AKAP17A: variants seen among roughly 807,000 people sequenced by gnomAD.
The protein encoded by AKAP17A is A-kinase anchoring protein 17A, also known as A-kinase anchor protein 17A.
AKAP17A carries 15 observed loss-of-function variants against 52.2 expected under a neutral mutation model. The observed-to-expected ratio is 0.29, with a 90% CI of 0.19 to 0.44. AKAP17A has a LOEUF of 0.44. AKAP17A is among the 20% of genes least tolerant of loss of function. AKAP17A has a pLI of 1.00. For synonymous variants in AKAP17A, 514 were observed against 424.7 expected (o/e 1.21, Z -2.58); for missense variants, 1,060 against 1,007.0 (o/e 1.05, Z -0.71).
In AKAP17A at chrX:1,601,392, A is replaced by T; in HGVS notation, c.1886A>T (p.Tyr629Phe). The T allele has an allele frequency of 1.3e-6, 2 of 1,567,102 alleles. No individual in the cohort carries two copies. The highest frequency in any genetic ancestry group is 1.7e-6 in the Non-Finnish European group (2 of 1,163,690). ...KERRPHKKHA[Y>F]KDDSPRRRST... ...CGGCGGCCCCACAAGAAGCACGCCT[A>T]CAAGGATGACAGCCCCCGCCGGCGC... The change falls in exon 5 of 5, where the codon TAC becomes TTC. Residue 629 changes from tyrosine (Y) to phenylalanine (F), a missense_variant. By Grantham distance (22) the Tyr-to-Phe change is conservative. This residue lies in a region of AKAP17A where 793 missense variants were observed against 629.9 expected (regional missense o/e 1.26). Coordinates refer to ENST00000313871, the MANE Select transcript of AKAP17A (RefSeq NM_005088.3).
chrX:1,598,832 G>A (rs192988101), intron 3 of AKAP17A, among the ~76,000 whole-genome samples: 17 of 152,294 alleles, frequency 1.1e-4, no homozygotes, highest in South Asian at 4.1e-4. Flanking sequence ...TGTGCATCCC[G>A]GGGCCTTGTT....
In AKAP17A at chrX:1,599,442, G is replaced by T; in HGVS notation, c.1152+10G>T. On this transcript the variant is annotated intron_variant, in intron 4 of 4. Coordinates refer to ENST00000313871, the MANE Select transcript of AKAP17A (RefSeq NM_005088.3). The stretch of plus-strand genomic sequence containing the variant: ...GCTCAGCAGAGCCAAGGTACCCGGG[G>T]GCTCCCTCTGCAGCCGCCAGCCGCG... The T allele has an allele frequency of 1.9e-6, 3 of 1,557,238 alleles. No individual in the cohort carries two copies. Among genetic ancestry groups the T allele is most frequent in the Non-Finnish European group, 2.6e-6 (3 of 1,151,574 alleles).
At position 1,601,974 on chromosome X, in the gene AKAP17A, A is replaced by G. The variant is rs181444808; in HGVS notation, c.*380A>G. 320 of 218,436 alleles carry G rather than the reference A, an allele frequency of 1.5e-3. 4 individuals are homozygous for G. The highest frequency in any genetic ancestry group is 6.7e-3 in the African/African-American group (295 of 44,050). The allele number at this position is 218,436 out of a possible 1,614,324, so 13.5% of individuals were successfully genotyped here. ...GGCGACCTCCCTGCGTGCACGGCCT[A>G]GGAGGTGCACGGGCCACCATAGTCA... is the stretch of plus-strand genomic sequence containing the variant. On this transcript the variant is annotated 3_prime_UTR_variant, in exon 5 of 5. Coordinates refer to ENST00000313871, the MANE Select transcript of AKAP17A (RefSeq NM_005088.3).
Position 1,593,803 on chromosome X carries a change from C to T in AKAP17A, c.341C>T (p.Ala114Val), listed in dbSNP as rs1207763171. The stretch of plus-strand genomic sequence containing the variant: ...TTCTCCGACATCCTGAAGGTGCGCG[C>T]GGCCGAGTTCAAGATCGACTTCCCC... ...SGFSDILKVR[A>V]AEFKIDFPTR... Residue 114 changes from alanine to valine, a missense_variant, in exon 2 of 5, where the codon GCG (alanine) becomes GTG (valine). Physicochemically the swap from Ala to Val is moderately conservative, Grantham distance 64. Around this residue, in one of 2 missense-constraint regions of AKAP17A, gnomAD observed 267 missense variants for 377.1 expected, o/e 0.71. Transcript: ENST00000313871. 6 of 1,612,864 alleles carry T rather than the reference C, an allele frequency of 3.7e-6. No homozygotes were observed. The highest frequency in any genetic ancestry group is 1.6e-4 in the Middle Eastern group (1 of 6,074).
intron 3 of AKAP17A, among the ~76,000 whole-genome samples, chrX:1,597,928 A>G (rs1423614019): frequency 1.3e-5 from 2 of 152,064 alleles, no homozygotes; most frequent in African/African-American, 2.4e-5. Context: ...AGGGCTCCAC[A>G]CGCAGGGCCG....
In AKAP17A at chrX:1,599,307, A is replaced by AAGCTGCAGGCGGAGGAGCAGAAGC. The variant is rs1933214203; in HGVS notation, c.1037_1060dup (p.Ala346_Gln353dup). The AAGCTGCAGGCGGAGGAGCAGAAGC allele has an allele frequency of 6.2e-7, 1 of 1,610,098 alleles. No individual in the cohort carries two copies. The highest frequency in any genetic ancestry group is 1.7e-5 in the Admixed American group (1 of 59,180). ...GCGCCGGAATCAGAAGAAGCTGGAG[A>AAGCTGCAGGCGGAGGAGCAGAAGC]AGCTGCAGGCGGAGGAGCAGAAGCA... On this transcript the variant is annotated inframe_insertion, in exon 4 of 5. Transcript: ENST00000313871.
chrX:1,596,913 A>C (rs1405035731), intron 3 of AKAP17A, among the ~76,000 whole-genome samples: 2 of 149,696 alleles, frequency 1.3e-5, no homozygotes, highest in African/African-American at 2.5e-5. Flanking sequence ...CCTCCTAGTG[A>C]GGCGGAATCC....
At position 1,602,187 on chromosome X, in the gene AKAP17A, G is replaced by A. The variant is rs1444768085; in HGVS notation, c.*593G>A. 1 of 152,586 alleles carries A rather than the reference G, an allele frequency of 6.6e-6. No homozygotes were observed. The highest frequency in any genetic ancestry group is 1.9e-4 in the East Asian group (1 of 5,188). 9.5% of individuals were successfully genotyped at this position (152,586 alleles called of 1,614,324 possible). ...GCCGTTCTTTCTAAGGTGTCGGTAT[G>A]TGGGGAGTGGTACAAAATGGTCTGA... On this transcript the variant is annotated 3_prime_UTR_variant, in exon 5 of 5. Coordinates refer to ENST00000313871, the MANE Select transcript of AKAP17A (RefSeq NM_005088.3).
intron 3 of AKAP17A, 81 bp from the exon 4 acceptor site, chrX:1,599,111 G>C: frequency 6.4e-7 from 1 of 1,559,576 alleles, no homozygotes; most frequent in Non-Finnish European, 8.7e-7. Flanking sequence ...CTGTTCCGCC[G>C]TGTTTGGAAA....
intron 2 of AKAP17A, among the ~76,000 whole-genome samples, chrX:1,595,157 C>T (rs1180156771): frequency 4.6e-5 from 7 of 151,506 alleles, no homozygotes; most frequent in African/African-American, 1.5e-4. Context: ...GTCGTAACTC[C>T]GTGGGATGAG....
chrX:1,600,761 G>T lies in AKAP17A; in HGVS notation c.1255G>T (p.Glu419Ter). 6.4e-7 allele frequency: 1 copy of T among 1,564,648 alleles called. No individual in the cohort carries two copies. Among genetic ancestry groups the T allele is most frequent in the Non-Finnish European group, 8.6e-7 (1 of 1,159,770 alleles). ...GGAGGCCGAGCTGCGGCGCGTGGAG[G>T]AGGAGAAGGAGCGCGCGCTGGGCCT... ...LQEAELRRVE[E>*]EKERALGLQR... Residue 419 changes from glutamate to a stop codon, truncating the protein, a stop_gained, in exon 5 of 5, where the codon GAG becomes TAG. Transcript: ENST00000313871. LOFTEE classifies it high-confidence loss of function.
Position 1,599,316 on chromosome X carries a change from G to C in AKAP17A, c.1036G>C (p.Ala346Pro). 6.2e-7 allele frequency: 1 copy of C among 1,608,426 alleles called. No individual in the cohort carries two copies. Among genetic ancestry groups the C allele is most frequent in the Non-Finnish European group, 8.5e-7 (1 of 1,178,070 alleles). ...TCAGAAGAAGCTGGAGAAGCTGCAG[G>C]CGGAGGAGCAGAAGCAGCTGCAGGA... ...RNQKKLEKLQ[A>P]EEQKQLQEKI... is the part of the protein sequence containing the mutation. Residue 346 changes from alanine to proline, a missense_variant, in exon 4 of 5, where the codon GCG (alanine) becomes CCG (proline). Transcript: ENST00000313871.
In AKAP17A at chrX:1,599,194, A is replaced by C; in HGVS notation, c.914A>C (p.Lys305Thr). 6.2e-7 allele frequency: 1 copy of C among 1,611,654 alleles called. No individual in the cohort carries two copies. The highest frequency in any genetic ancestry group is 8.5e-7 in the Non-Finnish European group (1 of 1,179,702). ...CACCCCCGGTGTGTTCCACACAGGAAACAAAAGGAGCTGGAAGAGCTGGAG... is the reference window on the plus strand; with the variant it reads ...CACCCCCGGTGTGTTCCACACAGGACACAAAAGGAGCTGGAAGAGCTGGAG... ...AEERQRAEERKQKELEELERE... is the reference protein window; with the variant it reads ...AEERQRAEERTQKELEELERE... Residue 305 changes from lysine (K) to threonine (T), a missense_variant and splice_region_variant, in exon 4 of 5, where the codon AAA becomes ACA. This residue lies in a region of AKAP17A where 793 missense variants were observed against 629.9 expected (regional missense o/e 1.26). Coordinates refer to ENST00000313871, the MANE Select transcript of AKAP17A (RefSeq NM_005088.3).
At position 1,595,437 on chromosome X, in the gene AKAP17A, G is replaced by C; in HGVS notation, c.816G>C (p.Gln272His). 6.2e-7 allele frequency: 1 copy of C among 1,614,034 alleles called. No individual in the cohort carries two copies. Among genetic ancestry groups the C allele is most frequent in the Non-Finnish European group, 8.5e-7 (1 of 1,179,882 alleles). The part of the protein sequence containing the change: ...HLSDASIKKR[Q>H]LERQKLQELE... ...GTGATGCCTCAATTAAGAAGCGGCA[G>C]CTGGAGAGGCAGAAGCTTCAGGAAC... The change falls in exon 3 of 5, where the codon CAG (glutamine) becomes CAC (histidine). Residue 272 changes from glutamine to histidine, a missense_variant. Gln to His is a conservative substitution (Grantham distance 24, BLOSUM62 0). Transcript: ENST00000313871.
In AKAP17A at chrX:1,599,000, G is replaced by A. The variant is rs140004629; in HGVS notation, c.912-192G>A. ...GGACGGTGTGTTGGAAGGTCACGGA[G>A]GTCCTCGCCCGGCTCACTCCTTCCA... On this transcript the variant is annotated intron_variant, in intron 3 of 4. Transcript: ENST00000313871. Among the ~76,000 whole-genome samples, 9 of 152,314 alleles carry A rather than the reference G, an allele frequency of 5.9e-5. No homozygotes were observed. In the East Asian group the frequency reaches 1.7e-3, roughly 29 times the overall value.
chrX:1,598,797 G>A (rs1428939760), intron 3 of AKAP17A, among the ~76,000 whole-genome samples: 1 of 152,212 alleles, frequency 6.6e-6, no homozygotes, highest in Non-Finnish European at 1.5e-5. Flanking sequence ...TTCCTGGTGG[G>A]CAGAACCGGC....
At chrX:1,600,463 C>T (rs866929603) in intron 4 of AKAP17A, among the ~76,000 whole-genome samples, 196 bp from the exon 5 acceptor site, 6 of 152,192 alleles carry the variant, frequency 3.9e-5, no homozygotes, top group African/African-American at 9.6e-5. Flanking sequence ...CAGGTGTGGC[C>T]GCGGGAGCCG....
At position 1,593,381 on chromosome X, in the gene AKAP17A, C is replaced by T. The variant is rs767461573; in HGVS notation, c.-19-63C>T. 5.2e-6 allele frequency: 8 copies of T among 1,527,800 alleles called. No individual in the cohort carries two copies. The South Asian group carries it at 8.6e-5, about 16-fold the overall frequency. 94.6% of individuals were successfully genotyped at this position (1,527,800 alleles called of 1,614,324 possible). On this transcript the variant is annotated intron_variant, in intron 1 of 4. Transcript: ENST00000313871. ...TCCAGAAAGTGCCTGCTGGCTTGGC[C>T]CCTCCTCATTGGCGGGGGAGGTGGG...
chrX:1,601,783 C>A lies in AKAP17A; in HGVS notation c.*189C>A. On this transcript the variant is annotated 3_prime_UTR_variant, in exon 5 of 5. Coordinates refer to ENST00000313871, the MANE Select transcript of AKAP17A (RefSeq NM_005088.3). ...TAGAGATCCATCTTTCTCCACTCAC[C>A]GCAGCGTACTTGGCACTTCAGTTTC... The A allele has an allele frequency of 8.3e-6, 4 of 482,634 alleles. No homozygotes were observed. Among genetic ancestry groups the A allele is most frequent in the Non-Finnish European group, 1.0e-5 (3 of 289,808 alleles). The allele number at this position is 482,634 out of a possible 1,614,324, so 29.9% of individuals were successfully genotyped here.
Sources: gnomAD v4.1 joint callset for allele counts (sites outside exome capture counted in the v4.1 genomes callset) on GRCh38, gnomAD v4.1.1 for gene constraint, gnomAD v4.1.1 regional missense constraint, MANE v1.5 for transcripts, NCBI Gene and HGNC (gene_info 2026-07-23, HGNC 2026-07-21) for gene names.